Variants in ADGRL3 observed in about 807,000 individuals in gnomAD.
ADGRL3 encodes the protein adhesion G protein-coupled receptor L3.
In ADGRL3, 62 loss-of-function variants were observed where a neutral mutation model predicts 153.5. That is an observed-to-expected ratio of 0.40 (90% confidence interval 0.33 to 0.50). The LOEUF is 0.50. Ranked by LOEUF, ADGRL3 falls within the 20% of genes least tolerant of loss-of-function variation. The pLI, the probability that ADGRL3 is intolerant of heterozygous loss-of-function variation, is 0.47. For synonymous variants in ADGRL3, 710 were observed against 672.5 expected, an observed-to-expected ratio of 1.06 and a Z score of -0.86; for missense variants, 1,641 against 1,859.4, an observed-to-expected ratio of 0.88 and a Z score of 2.16.
rs896644040 is a variant in ADGRL3, at chr4:61,321,076, A to G, written c.-239-62048A>G. ...TTATAAGGGTGATTACATTGAACCC[A>G]TGTAGATAATCCTAGATAATCTTTC... On this transcript the variant is annotated intron_variant, in intron 1 of 26. Coordinates refer to ENST00000683033, the MANE Select transcript of ADGRL3 (RefSeq NM_001387552.1). 5.3e-5 allele frequency among the ~76,000 whole-genome samples: 8 copies of G among 152,304 alleles called. No homozygotes were observed. The East Asian group carries it at 1.5e-3, about 29-fold the overall frequency.
intron 9 of ADGRL3, among the ~76,000 whole-genome samples, chr4:61,837,216 A>G (rs1240262457): frequency 6.6e-6 from 1 of 152,126 alleles, no homozygotes; most frequent in Non-Finnish European, 1.5e-5. Flanking sequence ...GCCAGGGAGG[A>G]AAAACTTTTC....
intron 8 of ADGRL3, among the ~76,000 whole-genome samples, chr4:61,778,863 G>T: frequency 6.6e-6 from 1 of 152,146 alleles, no homozygotes; most frequent in East Asian, 1.9e-4. Context: ...TTCAAGACCA[G>T]CCTGGCCAAC....
intron 8 of ADGRL3, among the ~76,000 whole-genome samples, chr4:61,776,439 G>C (rs2097152563): frequency 6.6e-6 from 1 of 152,082 alleles, no homozygotes; most frequent in Admixed American, 6.6e-5. Context: ...ATTCACATAA[G>C]AAATTGAATA....
intron 1 of ADGRL3, among the ~76,000 whole-genome samples, chr4:61,265,652 T>C (rs2092806446): frequency 6.6e-6 from 1 of 151,912 alleles, no homozygotes; most frequent in African/African-American, 2.4e-5. Context: ...GGACAAGTTT[T>C]GAAATTTACT....
chr4:61,332,877 T>C (rs188691022), intron 1 of ADGRL3, among the ~76,000 whole-genome samples: 2 of 152,306 alleles, frequency 1.3e-5, no homozygotes, highest in Admixed American at 6.5e-5. Flanking sequence ...TTGAAGGCTC[T>C]GACGATTGGG....
intron 5 of ADGRL3, among the ~76,000 whole-genome samples, chr4:61,628,240 A>G (rs2092949237): frequency 6.6e-6 from 1 of 152,170 alleles, no homozygotes; most frequent in East Asian, 1.9e-4. Flanking sequence ...GCCAAAAATT[A>G]CACATCTATG....
At chr4:61,246,645 T>C (rs1172119855) in intron 1 of ADGRL3, among the ~76,000 whole-genome samples, 1 of 151,832 alleles carries the variant, frequency 6.6e-6, no homozygotes, top group African/African-American at 2.4e-5. Context: ...TAATTTTGTG[T>C]TTTCCAGCAA....
intron 19 of ADGRL3, among the ~76,000 whole-genome samples, chr4:61,990,433 T>C (rs1581771843): frequency 6.6e-6 from 1 of 151,882 alleles, no homozygotes. Flanking sequence ...GAGTGACTTT[T>C]GGTGGGTACA....
chr4:61,904,363 G>T (rs1431852011), intron 11 of ADGRL3, among the ~76,000 whole-genome samples: 1 of 152,018 alleles, frequency 6.6e-6, no homozygotes, highest in Non-Finnish European at 1.5e-5. Context: ...TGCCCAGGCT[G>T]GTCTCGAACT....
chr4:61,865,449 A>G (rs1210569716), intron 9 of ADGRL3, among the ~76,000 whole-genome samples: 4 of 152,186 alleles, frequency 2.6e-5, no homozygotes, highest in Non-Finnish European at 4.4e-5. Flanking sequence ...AAATAAGCAC[A>G]TTCAATAAGG....
At chr4:61,949,299 G>A (rs545376499) in intron 17 of ADGRL3, among the ~76,000 whole-genome samples, 1 of 152,190 alleles carries the variant, frequency 6.6e-6, no homozygotes, top group East Asian at 1.9e-4. Flanking sequence ...ACATTATGTG[G>A]CATTAAAAAT....
intron 1 of ADGRL3, among the ~76,000 whole-genome samples, chr4:61,212,566 CAGCTGAGGTGCCTTAAAGCTATT>C (rs138240096): frequency 0.021 from 3,270 of 152,186 alleles, 136 homozygotes; most frequent in African/African-American, 0.074. Context: ...GACACTTGAC[CAGCTGAGGTGCCTTAAAGCTATT>C]ATATGTATTG....
intron 20 of ADGRL3, among the ~76,000 whole-genome samples, chr4:61,997,374 AT>A (rs145427244): frequency 1.7e-4 from 25 of 149,624 alleles, no homozygotes; most frequent in African/African-American, 3.4e-4. Context: ...CACTGAATGG[AT>A]TTTTTTTTTA....
At chr4:61,508,534 T>A (rs748819003) in intron 3 of ADGRL3, among the ~76,000 whole-genome samples, 3 of 152,212 alleles carry the variant, frequency 2.0e-5, no homozygotes, top group Non-Finnish European at 4.4e-5. Context: ...CCTACATATC[T>A]AAGCATATCT....
chr4:61,639,362 C>A (rs1372750495), intron 5 of ADGRL3, among the ~76,000 whole-genome samples: 1 of 151,440 alleles, frequency 6.6e-6, no homozygotes, highest in Non-Finnish European at 1.5e-5. Context: ...AAATGCCATA[C>A]CTATAAAAAT....
chr4:61,639,181 C>G (rs1260069374), intron 5 of ADGRL3, among the ~76,000 whole-genome samples: 1 of 151,934 alleles, frequency 6.6e-6, no homozygotes, highest in Non-Finnish European at 1.5e-5. Flanking sequence ...AATAGAAAAC[C>G]CATTTTTAAG....
At chr4:61,770,461 G>T (rs536552632) in intron 8 of ADGRL3, among the ~76,000 whole-genome samples, 1 of 152,128 alleles carries the variant, frequency 6.6e-6, no homozygotes, top group Non-Finnish European at 1.5e-5. Flanking sequence ...AAGGATGTAT[G>T]GTTTCTCTGA....
intron 5 of ADGRL3, among the ~76,000 whole-genome samples, chr4:61,666,611 C>T (rs1377092687): frequency 6.7e-6 from 1 of 150,150 alleles, no homozygotes; most frequent in Non-Finnish European, 1.5e-5. Flanking sequence ...ATAGTAATAT[C>T]CTAACTAACT....
chr4:61,537,612 G>T (rs531765337), intron 4 of ADGRL3, among the ~76,000 whole-genome samples: 1 of 151,924 alleles, frequency 6.6e-6, no homozygotes, highest in East Asian at 1.9e-4. Context: ...AAAAGACAGG[G>T]CTCCAATGTC....
Sources: gnomAD v4.1 joint callset for allele counts (sites outside exome capture counted in the v4.1 genomes callset) on GRCh38, gnomAD v4.1.1 for gene constraint, MANE v1.5 for transcripts, NCBI Gene and HGNC (gene_info 2026-07-23, HGNC 2026-07-21) for gene names.